Variants in CDH12 observed in about 807,000 individuals in gnomAD.
The protein encoded by CDH12 is cadherin 12.
In CDH12, 41 loss-of-function variants were observed where a neutral mutation model predicts 74.1. That is an observed-to-expected ratio of 0.55 (90% CI 0.43 to 0.72). The LOEUF is 0.72. Among genes scored for constraint, CDH12 ranks in the 30% least tolerant of loss-of-function variants. CDH12 has a pLI of 0.00. For missense variants in CDH12, 945 were observed against 977.2 expected, an observed-to-expected ratio of 0.97 and a Z score of 0.44; for synonymous variants, 399 against 355.0, an observed-to-expected ratio of 1.12 and a Z score of -1.39.
At chr5:22,450,298 A>C (rs1744992481) in intron 2 of CDH12, among the ~76,000 whole-genome samples, 1 of 151,864 alleles carries the variant, frequency 6.6e-6, no homozygotes, top group Admixed American at 6.6e-5. Flanking sequence ...TTTATATTTT[A>C]TATCCCCACG....
At chr5:22,377,530 A>G (rs1007889716) in intron 3 of CDH12, among the ~76,000 whole-genome samples, 1 of 152,168 alleles carries the variant, frequency 6.6e-6, no homozygotes, top group African/African-American at 2.4e-5. Context: ...ACAAGTTGTC[A>G]TGAGCCTGAC....
At chr5:22,411,513 A>C (rs1046423516) in intron 2 of CDH12, among the ~76,000 whole-genome samples, 2 of 152,040 alleles carry the variant, frequency 1.3e-5, no homozygotes, top group African/African-American at 4.8e-5. Context: ...CTTCATAAAG[A>C]TATTTCAGTC....
intron 4 of CDH12, among the ~76,000 whole-genome samples, chr5:22,119,944 T>C (rs899123271): frequency 6.6e-6 from 1 of 152,150 alleles, no homozygotes; most frequent in Non-Finnish European, 1.5e-5. Context: ...ACAATTTGCA[T>C]GTGAACAAGA....
chr5:22,082,858 A>G (rs1290587257), intron 4 of CDH12, among the ~76,000 whole-genome samples: 1 of 152,186 alleles, frequency 6.6e-6, no homozygotes, highest in East Asian at 1.9e-4. Context: ...CACAAATTCT[A>G]TCATACTGTG....
intron 8 of CDH12, among the ~76,000 whole-genome samples, chr5:21,826,918 G>T (rs920654985): frequency 6.6e-6 from 1 of 152,098 alleles, no homozygotes; most frequent in Admixed American, 6.5e-5. Context: ...GGGATAGGGA[G>T]AAAAAACAGG....
At chr5:22,619,317 G>A (rs2126837404) in intron 1 of CDH12, among the ~76,000 whole-genome samples, 1 of 152,182 alleles carries the variant, frequency 6.6e-6, no homozygotes, top group East Asian at 1.9e-4. Context: ...GAACTTATCT[G>A]AGCCAATTGC....
chr5:21,872,154 G>A (rs1249694801), intron 6 of CDH12, among the ~76,000 whole-genome samples: 4 of 152,074 alleles, frequency 2.6e-5, no homozygotes, highest in African/African-American at 9.7e-5. Flanking sequence ...TTAACACCCC[G>A]ACCTTGCTCA....
chr5:21,984,051 C>T (rs891317069), intron 5 of CDH12, among the ~76,000 whole-genome samples: 5 of 152,104 alleles, frequency 3.3e-5, no homozygotes, highest in Non-Finnish European at 7.4e-5. Flanking sequence ...TTTGAGTCTT[C>T]GCCATTCATA....
At chr5:21,929,723 G>A (rs1754750124) in intron 6 of CDH12, among the ~76,000 whole-genome samples, 1 of 151,976 alleles carries the variant, frequency 6.6e-6, no homozygotes, top group African/African-American at 2.4e-5. Context: ...TCACCATGTT[G>A]CCCAGGCTGG....
At chr5:22,253,380 T>C (rs1753199221) in intron 3 of CDH12, among the ~76,000 whole-genome samples, 1 of 151,844 alleles carries the variant, frequency 6.6e-6, no homozygotes, top group Non-Finnish European at 1.5e-5. Context: ...ATTTACCTAT[T>C]TAGGATGCTT....
At chr5:21,975,431 A>G in intron 5 of CDH12, 46 bp from the exon 6 acceptor site, 1 of 1,403,634 alleles carries the variant, frequency 7.1e-7, no homozygotes, top group Non-Finnish European at 9.6e-7. Flanking sequence ...AGAGAAGGAC[A>G]AAGAAAGAAC....
chr5:22,791,172 T>C (rs1004074872), intron 1 of CDH12, among the ~76,000 whole-genome samples: 3 of 152,140 alleles, frequency 2.0e-5, no homozygotes, highest in Non-Finnish European at 4.4e-5. Flanking sequence ...GCAGTTAAAT[T>C]CTCCGGAAGT....
At position 22,046,683 on chromosome 5, in the gene CDH12, T is replaced by C. The variant is rs1223472912; in HGVS notation, c.231+31763A>G. ...GATACAGTGACACATGGTTGAAAGATGTTAACTGCCATAAAGTGGGACATT... is the reference window on the plus strand; with the variant it reads ...GATACAGTGACACATGGTTGAAAGACGTTAACTGCCATAAAGTGGGACATT... On this transcript the variant is annotated intron_variant, in intron 5 of 14. Transcript: ENST00000382254. Among the ~76,000 whole-genome samples, 21 of 152,186 alleles carry C rather than the reference T, an allele frequency of 1.4e-4. 1 individual carries two copies. Among genetic ancestry groups the C allele is most frequent in the Admixed American group, 1.4e-3 (21 of 15,270 alleles).
chr5:22,512,283 G>A (rs1164140324), intron 1 of CDH12, among the ~76,000 whole-genome samples: 1 of 152,172 alleles, frequency 6.6e-6, no homozygotes, highest in African/African-American at 2.4e-5. Context: ...ATATATTAAA[G>A]AATTAGATAC....
chr5:22,745,617 G>C (rs936164407), intron 1 of CDH12, among the ~76,000 whole-genome samples: 1 of 152,270 alleles, frequency 6.6e-6, no homozygotes, highest in South Asian at 2.1e-4. Flanking sequence ...ATCCTTTGCG[G>C]AGACATGAAT....
intron 4 of CDH12, among the ~76,000 whole-genome samples, chr5:22,124,422 C>G (rs905062158): frequency 1.3e-5 from 2 of 152,264 alleles, no homozygotes; most frequent in African/African-American, 2.4e-5. Flanking sequence ...CCATGCCCGG[C>G]CTTGCTTATT....
intron 6 of CDH12, among the ~76,000 whole-genome samples, chr5:21,921,858 C>G (rs960747258): frequency 6.6e-6 from 1 of 152,162 alleles, no homozygotes; most frequent in Non-Finnish European, 1.5e-5. Context: ...AACTGCTGGC[C>G]TTCCCCTCCT....
rs189601724 is a variant in CDH12, at chr5:22,850,438, T to C, written c.-523+2620A>G. 4.1e-3 allele frequency among the ~76,000 whole-genome samples: 619 copies of C among 152,206 alleles called. 5 individuals are homozygous for C. Among genetic ancestry groups the C allele is most frequent in the African/African-American group, 0.014 (570 of 41,556 alleles). Reference sequence around the variant, plus strand: ...AATAAAAAGCTCCCAGTAAAAATAATACATTTTCATTTATTTAACAATTAA... The same window carrying C: ...AATAAAAAGCTCCCAGTAAAAATAACACATTTTCATTTATTTAACAATTAA... On this transcript the variant is annotated intron_variant, in intron 1 of 14. Coordinates refer to ENST00000382254, the MANE Select transcript of CDH12 (RefSeq NM_004061.5).
Position 21,975,112 on chromosome 5 carries a change from C to T in CDH12, c.505G>A (p.Val169Ile), listed in dbSNP as rs764711772. The change falls in exon 6 of 15, where the codon GTT (valine) becomes ATT (isoleucine). Residue 169 changes from valine (V) to isoleucine (I), a missense_variant. Physicochemically the swap from Val to Ile is conservative, Grantham distance 29. Around this residue, in one of 3 missense-constraint regions of CDH12, gnomAD observed 791 missense variants for 792.8 expected, o/e 1.00. Transcript: ENST00000382254. The part of the protein sequence containing the change: ...KFLDGPYVAT[V>I]PEMSPVGAYV... Reference sequence around the variant, plus strand: ...TCACCCACAGGAGACATTTCTGGAACAGTAGCAACATAAGGTCCATCCAAA... The same window carrying T: ...TCACCCACAGGAGACATTTCTGGAATAGTAGCAACATAAGGTCCATCCAAA... The T allele has an allele frequency of 5.6e-6, 9 of 1,596,312 alleles. No homozygotes were observed. The highest frequency in any genetic ancestry group is 1.3e-5 in the African/African-American group (1 of 74,850).
Sources: allele counts gnomAD v4.1 joint callset (sites outside exome capture counted in the v4.1 genomes callset), GRCh38; gene constraint gnomAD v4.1.1; regional missense constraint gnomAD v4.1.1; transcripts MANE v1.5; gene names NCBI Gene and HGNC (gene_info 2026-07-23, HGNC 2026-07-21).